The following TOX3 variants were observed in gnomAD, a reference collection of about 807,000 sequenced individuals.
TOX3 encodes CAG trinucleotide repeat-containing gene F9 protein.
A neutral mutation model predicts 64.3 loss-of-function variants in TOX3; 22 were observed. The observed-to-expected ratio is 0.34, with a 90% CI of 0.24 to 0.49. The LOEUF (loss-of-function observed/expected upper bound fraction) is 0.49, where lower values mean the gene tolerates loss of function less well. TOX3 is among the 20% of genes least tolerant of loss of function. The probability of loss-of-function intolerance (pLI) is 0.99; values close to 1 mark genes in which losing one functional copy is unlikely to be tolerated. For synonymous variants in TOX3, 291 were observed against 273.6 expected, an observed-to-expected ratio of 1.06 and a Z score of -0.63; for missense variants, 661 against 714.4, an observed-to-expected ratio of 0.93 and a Z score of 0.85.
At chr16:52,497,350 C>G (rs950688794) in intron 1 of TOX3, among the ~76,000 whole-genome samples, 3 of 152,182 alleles carry the variant, frequency 2.0e-5, no homozygotes, top group African/African-American at 7.2e-5. Flanking sequence ...TTATATGCTA[C>G]AGGGCTGACT....
chr16:52,499,959 G>A (rs1961958115), intron 1 of TOX3, among the ~76,000 whole-genome samples: 1 of 152,150 alleles, frequency 6.6e-6, no homozygotes. Context: ...TGAACACAAG[G>A]GTCGCTGGCT....
chr16:52,524,399 T>C (rs1567350499), intron 1 of TOX3, among the ~76,000 whole-genome samples: 1 of 152,232 alleles, frequency 6.6e-6, no homozygotes, highest in Non-Finnish European at 1.5e-5. Context: ...ATGAATTTTT[T>C]AGATGTTTGC....
intron 1 of TOX3, among the ~76,000 whole-genome samples, chr16:52,546,414 C>A (rs1963187521): frequency 6.6e-6 from 1 of 151,254 alleles, no homozygotes; most frequent in Non-Finnish European, 1.5e-5. Flanking sequence ...TGGGAGGGAG[C>A]GGAGGGGCTG....
Position 52,546,683 on chromosome 16 carries a change from G to T in TOX3, c.41C>A (p.Ala14Asp). Reference sequence around the variant, plus strand: ...CAGGCACTGCGCGAAGTCCAGGCTGGCAGGGTCCCCGGCCGCCGCGGGGTA... The same window carrying T: ...CAGGCACTGCGCGAAGTCCAGGCTGTCAGGGTCCCCGGCCGCCGCGGGGTA... ...RFYPAAAGDP[A>D]SLDFAQCLGY... Residue 14 changes from alanine (A) to aspartate (D), a missense_variant, in exon 1 of 7, where the codon GCC becomes GAC. Around this residue, in one of 3 missense-constraint regions of TOX3, gnomAD observed 259 missense variants for 261.2 expected, o/e 0.99. Transcript: ENST00000219746. 2 of 1,543,558 alleles carry T rather than the reference G, an allele frequency of 1.3e-6. No individual in the cohort carries two copies. Among genetic ancestry groups the T allele is most frequent in the Non-Finnish European group, 8.7e-7 (1 of 1,148,250 alleles).
chr16:52,460,119 C>G lies in TOX3; in HGVS notation c.408+3815G>C, dbSNP rs145094661. ...TTCCCTTTAACAGGTACGAATACTA[C>G]CATACTCAAATACTTTCCTTACTTC... On this transcript the variant is annotated intron_variant, in intron 3 of 6. Coordinates refer to ENST00000219746, the MANE Select transcript of TOX3 (RefSeq NM_001080430.4). 4.1e-3 allele frequency among the ~76,000 whole-genome samples: 625 copies of G among 152,200 alleles called. 1 individual carries two copies. Among genetic ancestry groups the G allele is most frequent in the African/African-American group, 0.013 (527 of 41,556 alleles).
At position 52,501,380 on chromosome 16, in the gene TOX3, A is replaced by G. The variant is rs530189376; in HGVS notation, c.88-32806T>C. On this transcript the variant is annotated intron_variant, in intron 1 of 6. Transcript: ENST00000219746. ...TTATAATTAAAAATGATGAATAAAA[A>G]TATAGAGATGGCTGAGCGTGGTGGC... 2.3e-4 allele frequency among the ~76,000 whole-genome samples: 35 copies of G among 152,360 alleles called. No homozygotes were observed. The East Asian group carries it at 5.8e-3, about 25-fold the overall frequency.
intron 1 of TOX3, among the ~76,000 whole-genome samples, chr16:52,534,475 A>G (rs1360395237): frequency 1.3e-5 from 2 of 152,060 alleles, no homozygotes; most frequent in African/African-American, 2.4e-5. Flanking sequence ...CCATCTCTAC[A>G]AAAATATTAA....
At chr16:52,466,203 T>C (rs956750515) in intron 2 of TOX3, among the ~76,000 whole-genome samples, 3 of 152,240 alleles carry the variant, frequency 2.0e-5, no homozygotes, top group African/African-American at 7.2e-5. Context: ...TTGGCTGTTT[T>C]CATTACCACT....
chr16:52,459,175 A>G (rs1182107318), intron 3 of TOX3, among the ~76,000 whole-genome samples: 1 of 152,078 alleles, frequency 6.6e-6, no homozygotes, highest in Non-Finnish European at 1.5e-5. Flanking sequence ...AACTAGCTGG[A>G]CATGGTGGCA....
chr16:52,465,423 G>A (rs1258304716), intron 2 of TOX3, among the ~76,000 whole-genome samples: 5 of 150,664 alleles, frequency 3.3e-5, no homozygotes, highest in Admixed American at 6.6e-5. Flanking sequence ...TTTGGCGAGA[G>A]GTTCTGGGGG....
At position 52,456,424 on chromosome 16, in the gene TOX3, G is replaced by A. The variant is rs564994036; in HGVS notation, c.409-5878C>T. ...ATCTCATAAAATGCTCTCACTAATA[G>A]GAGGGGCATTGCCTTCTATCTATTG... is the stretch of plus-strand genomic sequence containing the variant. On this transcript the variant is annotated intron_variant, in intron 3 of 6. Coordinates refer to ENST00000219746, the MANE Select transcript of TOX3 (RefSeq NM_001080430.4). Among the ~76,000 whole-genome samples the A allele has an allele frequency of 2.6e-5, 4 of 152,282 alleles. No homozygotes were observed. In the South Asian group the frequency reaches 8.3e-4, roughly 32 times the overall value.
intron 1 of TOX3, among the ~76,000 whole-genome samples, chr16:52,539,893 T>C (rs1963037444): frequency 6.6e-6 from 1 of 152,100 alleles, no homozygotes; most frequent in Admixed American, 6.6e-5. Context: ...GGAGGTTCTG[T>C]TTAGTGCTTT....
At chr16:52,521,385 C>T (rs1281376112) in intron 1 of TOX3, among the ~76,000 whole-genome samples, 1 of 152,108 alleles carries the variant, frequency 6.6e-6, no homozygotes, top group Non-Finnish European at 1.5e-5. Flanking sequence ...GCTCATGTCC[C>T]TGGCCAGTTC....
chr16:52,538,997 T>C (rs1963020654), intron 1 of TOX3, among the ~76,000 whole-genome samples: 1 of 152,180 alleles, frequency 6.6e-6, no homozygotes. Context: ...TAATTCCACC[T>C]TCAAAATATA....
At chr16:52,450,253 C>T (rs771258928) in intron 4 of TOX3, 24 bp downstream of exon 4, 2 of 1,613,114 alleles carry the variant, frequency 1.2e-6, no homozygotes, top group Non-Finnish European at 1.7e-6. Context: ...TGGCAGGTTA[C>T]ACACTAAGGC....
intron 1 of TOX3, among the ~76,000 whole-genome samples, chr16:52,540,167 G>C (rs1199311953): frequency 6.6e-6 from 1 of 151,876 alleles, no homozygotes; most frequent in East Asian, 1.9e-4. Context: ...ATCACTGGCG[G>C]CCAAGAGTTC....
At chr16:52,449,569 A>T (rs1246348754) in intron 4 of TOX3, among the ~76,000 whole-genome samples, 1 of 152,238 alleles carries the variant, frequency 6.6e-6, no homozygotes, top group Non-Finnish European at 1.5e-5. Context: ...ATTCATCCCC[A>T]AAGGGGAATC....
chr16:52,439,478 T>A lies in TOX3; in HGVS notation c.1478A>T (p.Gln493Leu). 3.5e-6 allele frequency: 5 copies of A among 1,419,796 alleles called. No homozygotes were observed. Among genetic ancestry groups the A allele is most frequent in the Non-Finnish European group, 3.9e-6 (4 of 1,027,088 alleles). 87.9% of individuals were successfully genotyped at this position (1,419,796 alleles called of 1,614,324 possible). The stretch of plus-strand genomic sequence containing the variant: ...AATTTGCTGCTGGAGATGCTGCTGC[T>A]GCTGCTGCAGGTGCTGCTGCATGTG... ...QHHMQQHLQQ[Q>L]QQHLQQQINQ... The change falls in exon 7 of 7, where the codon CAG (glutamine) becomes CTG (leucine). Residue 493 changes from glutamine to leucine, a missense_variant. This residue lies in a region of TOX3 where 299 missense variants were observed against 292.1 expected (regional missense o/e 1.02). Transcript: ENST00000219746.
At chr16:52,445,752 G>C in intron 5 of TOX3, 1 of 449,672 alleles carries the variant, frequency 2.2e-6, no homozygotes, top group East Asian at 3.6e-5. Context: ...GATACTGCCT[G>C]GATTTCTTCC....
Sources: gnomAD v4.1 joint callset for allele counts (sites outside exome capture counted in the v4.1 genomes callset) on GRCh38, gnomAD v4.1.1 for gene constraint, gnomAD v4.1.1 regional missense constraint, MANE v1.5 for transcripts, NCBI Gene and HGNC (gene_info 2026-07-23, HGNC 2026-07-21) for gene names.